EPHA6: variants seen among roughly 807,000 people sequenced by gnomAD.
EPHA6 encodes the protein EPH receptor A6.
A neutral mutation model predicts 112.0 loss-of-function variants in EPHA6; 50 were observed. The observed-to-expected ratio is 0.45, with a 90% CI of 0.36 to 0.56. The LOEUF (loss-of-function observed/expected upper bound fraction) is 0.56. EPHA6 is among the 20% of genes least tolerant of loss of function. EPHA6 has a pLI of 0.00. For missense variants in EPHA6, 1,280 were observed against 1,417.4 expected (o/e 0.90, Z 1.56); for synonymous variants, 529 against 490.7 (o/e 1.08, Z -1.03).
intron 6 of EPHA6, among the ~76,000 whole-genome samples, chr3:97,420,434 T>C (rs1363988937): frequency 1.3e-5 from 2 of 152,116 alleles, no homozygotes; most frequent in African/African-American, 2.4e-5. Context: ...GTAAATTACA[T>C]GTGAAAACTT....
chr3:97,622,070 A>G (rs1430285047), intron 13 of EPHA6, among the ~76,000 whole-genome samples: 1 of 151,862 alleles, frequency 6.6e-6, no homozygotes, highest in Non-Finnish European at 1.5e-5. Context: ...TACACATAAC[A>G]TAAAATTTAC....
chr3:97,420,875 T>C (rs1203522055), intron 6 of EPHA6, among the ~76,000 whole-genome samples: 1 of 150,530 alleles, frequency 6.6e-6, no homozygotes, highest in African/African-American at 2.4e-5. Flanking sequence ...CAAATTTGGA[T>C]TTATTTCAGG....
chr3:97,164,949 A>C (rs2076505077), intron 3 of EPHA6, among the ~76,000 whole-genome samples: 1 of 152,136 alleles, frequency 6.6e-6, no homozygotes. Context: ...TACTGTAAGA[A>C]CAGAATTCTT....
At chr3:97,018,946 A>G (rs2612284) in intron 3 of EPHA6, among the ~76,000 whole-genome samples, 50,775 of 152,052 alleles carry the variant, frequency 0.33, 9,471 homozygotes, top group African/African-American at 0.51. Context: ...GCCCTCTGGT[A>G]GCCCTGTCTG....
At chr3:96,982,803 A>G (rs571797696) in intron 2 of EPHA6, among the ~76,000 whole-genome samples, 4 of 152,284 alleles carry the variant, frequency 2.6e-5, no homozygotes, top group East Asian at 1.9e-4. Context: ...CTTTACCATT[A>G]TGTAATGGCC....
At chr3:97,450,435 C>T (rs1237977868) in intron 7 of EPHA6, among the ~76,000 whole-genome samples, 1 of 152,006 alleles carries the variant, frequency 6.6e-6, no homozygotes, top group African/African-American at 2.4e-5. Context: ...TAAAGTTTGA[C>T]ATTGTTGAGT....
chr3:97,635,986 C>CAA (rs371536996), intron 13 of EPHA6, among the ~76,000 whole-genome samples: 2 of 147,174 alleles, frequency 1.4e-5, no homozygotes, highest in South Asian at 4.3e-4. Flanking sequence ...ATTAAAATTG[C>CAA]AAAAAAAAAC....
At chr3:97,265,244 G>A (rs1240170851) in intron 5 of EPHA6, among the ~76,000 whole-genome samples, 2 of 152,170 alleles carry the variant, frequency 1.3e-5, no homozygotes, top group Non-Finnish European at 2.9e-5. Context: ...TGGCCTGAAG[G>A]TGGAGCCTCA....
chr3:96,919,378 G>T (rs1233776727), intron 2 of EPHA6, among the ~76,000 whole-genome samples: 1 of 151,826 alleles, frequency 6.6e-6, no homozygotes, highest in East Asian at 1.9e-4. Flanking sequence ...TACATAAAAT[G>T]TAAAATAAAA....
At chr3:97,429,503 T>G (rs1341992919) in intron 6 of EPHA6, among the ~76,000 whole-genome samples, 1 of 152,192 alleles carries the variant, frequency 6.6e-6, no homozygotes, top group East Asian at 1.9e-4. Context: ...TTTTGTTCTT[T>G]TTTAAATATC....
intron 14 of EPHA6, among the ~76,000 whole-genome samples, chr3:97,702,054 A>C (rs1030565393): frequency 6.6e-6 from 1 of 152,162 alleles, no homozygotes; most frequent in African/African-American, 2.4e-5. Flanking sequence ...TCTTTCACCC[A>C]GTTGTACTGT....
At chr3:97,215,064 T>C (rs2077993868) in intron 3 of EPHA6, among the ~76,000 whole-genome samples, 1 of 152,184 alleles carries the variant, frequency 6.6e-6, no homozygotes, top group South Asian at 2.1e-4. Context: ...TTGAACACCA[T>C]GAGGGAAAAG....
intron 8 of EPHA6, among the ~76,000 whole-genome samples, chr3:97,478,083 A>G (rs1190345309): frequency 6.6e-6 from 1 of 151,790 alleles, no homozygotes; most frequent in Non-Finnish European, 1.5e-5. Context: ...ATGTGATTTT[A>G]TTTAACATCA....
chr3:97,614,501 A>ATTTTT (rs35126699), intron 13 of EPHA6, among the ~76,000 whole-genome samples: 142 of 98,180 alleles, frequency 1.4e-3, no homozygotes, highest in African/African-American at 5.5e-3. Context: ...CACCCAGCTA[A>ATTTTT]TTTTTTTTTT....
intron 10 of EPHA6, among the ~76,000 whole-genome samples, chr3:97,496,218 C>T (rs2091974134): frequency 6.6e-6 from 1 of 152,104 alleles, no homozygotes; most frequent in Non-Finnish European, 1.5e-5. Flanking sequence ...ACATGGAAAG[C>T]TCTGATATTC....
At chr3:97,150,134 C>CA (rs2076136948) in intron 3 of EPHA6, among the ~76,000 whole-genome samples, 5 of 151,652 alleles carry the variant, frequency 3.3e-5, no homozygotes, top group South Asian at 4.2e-4. Flanking sequence ...TGTAATATAA[C>CA]AAAAAAATCC....
At position 97,138,094 on chromosome 3, in the gene EPHA6, C is replaced by G. The variant is rs547253654; in HGVS notation, c.1115-88170C>G. On this transcript the variant is annotated intron_variant, in intron 3 of 17. Coordinates refer to ENST00000389672, the MANE Select transcript of EPHA6 (RefSeq NM_001080448.3). The stretch of plus-strand genomic sequence containing the variant: ...TTCCTGCTTGGACACCAGGACCATT[C>G]TCTGGACCCAAAGCCAAGGAGTAGG... 1.1e-3 allele frequency among the ~76,000 whole-genome samples: 170 copies of G among 152,248 alleles called. 6 individuals carry two copies. In the South Asian group the frequency reaches 0.034, roughly 31 times the overall value.
chr3:97,072,579 G>A (rs1325493398), intron 3 of EPHA6, among the ~76,000 whole-genome samples: 1 of 152,012 alleles, frequency 6.6e-6, no homozygotes, highest in Non-Finnish European at 1.5e-5. Flanking sequence ...GTATATGATG[G>A]TTTATATGGC....
intron 10 of EPHA6, 132 bp from the exon 11 acceptor site, chr3:97,532,224 AAG>A: frequency 1.4e-6 from 1 of 719,734 alleles, no homozygotes; most frequent in Non-Finnish European, 2.2e-6. Context: ...CTCTTTAAGA[AAG>A]AAATGTTTAT....
Sources: allele counts gnomAD v4.1 joint callset (sites outside exome capture counted in the v4.1 genomes callset), GRCh38; gene constraint gnomAD v4.1.1; transcripts MANE v1.5; gene names NCBI Gene and HGNC (gene_info 2026-07-23, HGNC 2026-07-21).